MSS51: variants seen among roughly 807,000 people sequenced by gnomAD.
MSS51 encodes putative protein MSS51 homolog, mitochondrial.
A neutral mutation model predicts 40.2 loss-of-function variants in MSS51; 32 were observed. The ratio of observed to expected loss-of-function variants is 0.80; its 90% confidence interval spans 0.60 to 1.07. The LOEUF (loss-of-function observed/expected upper bound fraction) is 1.07, where lower values mean the gene tolerates loss of function less well. MSS51 is among the 50% of genes least tolerant of loss of function. The pLI is 0.00. For missense variants in MSS51, 518 were observed against 568.9 expected (o/e 0.91, Z 0.91); for synonymous variants, 178 against 214.2 (o/e 0.83, Z 1.48).
At position 73,426,079 on chromosome 10, in the gene MSS51, C is replaced by G; in HGVS notation, c.801G>C (p.Val267=). ...VRRTGGSTVH[V]VGASHVETFL... Reference sequence around the variant, plus strand: ...ATGTCTCCACATGGGAAGCACCAACCACATGCACTGTGCTTCCCCCAGTCC... The same window carrying G: ...ATGTCTCCACATGGGAAGCACCAACGACATGCACTGTGCTTCCCCCAGTCC... Residue 267 remains valine, a synonymous_variant, in exon 5 of 7, where the codon GTG becomes GTC. Transcript: ENST00000299432. The G allele has an allele frequency of 6.2e-7, 1 of 1,614,240 alleles. No individual in the cohort carries two copies. Among genetic ancestry groups the G allele is most frequent in the Non-Finnish European group, 8.5e-7 (1 of 1,180,040 alleles).
chr10:73,428,606 C>T (rs964227275), intron 1 of MSS51, among the ~76,000 whole-genome samples: 1 of 151,988 alleles, frequency 6.6e-6, no homozygotes, highest in Non-Finnish European at 1.5e-5. Context: ...CTGCCTCAGC[C>T]TCCCGAGTAG....
intron 6 of MSS51, 121 bp downstream of exon 6, chr10:73,424,977 T>C (rs1423559044): frequency 2.3e-6 from 2 of 859,800 alleles, no homozygotes; most frequent in African/African-American, 1.7e-5. Context: ...AAAAAAGCCA[T>C]ATGCGGAAAA....
At chr10:73,432,000 A>G (rs1435592061) in intron 1 of MSS51, among the ~76,000 whole-genome samples, 2 of 152,128 alleles carry the variant, frequency 1.3e-5, no homozygotes, top group Non-Finnish European at 2.9e-5. Context: ...AAAAGCATTT[A>G]TCTACTCTAC....
chr10:73,433,269 A>G (rs564535213), intron 1 of MSS51, among the ~76,000 whole-genome samples: 4 of 152,206 alleles, frequency 2.6e-5, no homozygotes, highest in African/African-American at 9.6e-5. Context: ...GTGCTCATCT[A>G]ATTTTCTGTA....
chr10:73,423,752 A>T lies in MSS51; in HGVS notation c.*801T>A, dbSNP rs1223683666. Reference sequence around the variant, plus strand: ...GGAAAAGTAGACATTTCTCTCAAAAAAGTCAGGAAACAGGACACTGTACCA... The same window carrying T: ...GGAAAAGTAGACATTTCTCTCAAAATAGTCAGGAAACAGGACACTGTACCA... On this transcript the variant is annotated 3_prime_UTR_variant, in exon 7 of 7. Transcript: ENST00000299432. The T allele has an allele frequency of 6.6e-6, 1 of 152,186 alleles. No homozygotes were observed. The highest frequency in any genetic ancestry group is 1.5e-5 in the Non-Finnish European group (1 of 68,026). 9.4% of individuals were successfully genotyped at this position (152,186 alleles called of 1,614,324 possible).
chr10:73,428,068 A>G lies in MSS51; in HGVS notation c.217T>C (p.Tyr73His), dbSNP rs1385625801. ...QKLNMKSYEE[Y>H]KLVVDGGTPV... ...TCCATAGAGCTGGTCACTCACTTAT[A>G]TTCTTCATAGCTTTTCATGTTCAGC... The change falls in exon 2 of 7, where the codon TAT (tyrosine) becomes CAT (histidine). Residue 73 changes from tyrosine (Y) to histidine (H), a missense_variant. Coordinates refer to ENST00000299432, the MANE Select transcript of MSS51 (RefSeq NM_001024593.2). The G allele has an allele frequency of 3.7e-6, 6 of 1,613,960 alleles. No individual in the cohort carries two copies. Among genetic ancestry groups the G allele is most frequent in the Admixed American group, 1.7e-5 (1 of 60,028 alleles).
intron 1 of MSS51, among the ~76,000 whole-genome samples, chr10:73,429,997 A>G (rs2056016734): frequency 6.6e-6 from 1 of 152,178 alleles, no homozygotes; most frequent in South Asian, 2.1e-4. Flanking sequence ...GAAAGATGGG[A>G]ATACTTTGAA....
At chr10:73,424,836 C>A in intron 6 of MSS51, 64 bp from the exon 7 acceptor site, 1 of 1,347,908 alleles carries the variant, frequency 7.4e-7, no homozygotes, top group Non-Finnish European at 1.1e-6. Context: ...AAAAACTGCC[C>A]AAGAGCCTGA....
chr10:73,429,437 C>T (rs1233013568), intron 1 of MSS51, among the ~76,000 whole-genome samples: 5 of 152,072 alleles, frequency 3.3e-5, no homozygotes, highest in Admixed American at 6.5e-5. Flanking sequence ...GAGAGTTAGA[C>T]AGTTTAATAT....
intron 6 of MSS51, 29 bp from the exon 7 acceptor site, chr10:73,424,801 C>G: frequency 1.3e-6 from 2 of 1,560,218 alleles, no homozygotes; most frequent in Non-Finnish European, 1.8e-6. Context: ...AAAAATTACT[C>G]TACTGATTGT....
intron 1 of MSS51, among the ~76,000 whole-genome samples, chr10:73,433,171 A>C (rs1225629131): frequency 6.6e-6 from 1 of 152,098 alleles, no homozygotes; most frequent in Non-Finnish European, 1.5e-5. Flanking sequence ...CTATTCCTAG[A>C]CCTAGGTTTC....
At chr10:73,428,596 C>T (rs1180819320) in intron 1 of MSS51, among the ~76,000 whole-genome samples, 2 of 152,022 alleles carry the variant, frequency 1.3e-5, no homozygotes, top group African/African-American at 4.8e-5. Context: ...AGCGATTCTC[C>T]TGCCTCAGCC....
At chr10:73,427,309 C>T (rs1354269917) in intron 3 of MSS51, among the ~76,000 whole-genome samples, 9 of 129,306 alleles carry the variant, frequency 7.0e-5, no homozygotes, top group Admixed American at 1.8e-4. Context: ...GACAGAGTCT[C>T]GCTCTGTCAT....
In MSS51 at chr10:73,424,564, C is replaced by T. The variant is rs996385491; in HGVS notation, c.1372G>A (p.Gly458Ser). ...DNRQLEEKVD[G>S]GI ...CAGTTATGATCTATTTAAATCCCGC[C>T]GTCCACTTTCTCTTCTAATTGCCTA... The change falls in exon 7 of 7, where the codon GGC becomes AGC. Residue 458 changes from glycine to serine, a missense_variant. Transcript: ENST00000299432. 1.4e-5 allele frequency: 23 copies of T among 1,612,942 alleles called. No homozygotes were observed. Among genetic ancestry groups the T allele is most frequent in the Admixed American group, 3.3e-5 (2 of 59,998 alleles).
intron 1 of MSS51, among the ~76,000 whole-genome samples, chr10:73,430,881 T>C (rs1007895226): frequency 2.0e-5 from 3 of 152,084 alleles, no homozygotes; most frequent in African/African-American, 7.2e-5. Context: ...GGTCCATCAA[T>C]GGATAAATGG....
chr10:73,429,700 G>A, intron 1 of MSS51: 1 of 455,798 alleles, frequency 2.2e-6, no homozygotes, highest in Non-Finnish European at 4.4e-6. Context: ...TGAGTAAACA[G>A]AAAGGACCAT....
chr10:73,424,494 A>C lies in MSS51; in HGVS notation c.*59T>G. 2 of 1,311,608 alleles carry C rather than the reference A, an allele frequency of 1.5e-6. No individual in the cohort carries two copies. The highest frequency in any genetic ancestry group is 2.2e-6 in the Non-Finnish European group (2 of 907,710). 81.2% of individuals were successfully genotyped at this position (1,311,608 alleles called of 1,614,324 possible). On this transcript the variant is annotated 3_prime_UTR_variant, in exon 7 of 7. Transcript: ENST00000299432. ...TTTTCAAAGTTTGCAAGAACCTGGC[A>C]TTAGCAGGGTAATTTCATCACAAAC...
In MSS51 at chr10:73,426,002, TGCCCAGGAAA is replaced by T. The variant is rs2055984767; in HGVS notation, c.868_877del (p.Phe290ThrfsTer11). 9 of 1,614,080 alleles carry T rather than the reference TGCCCAGGAAA, an allele frequency of 5.6e-6. No individual in the cohort carries two copies. The highest frequency in any genetic ancestry group is 1.3e-5 in the African/African-American group (1 of 74,922). ...CACCATGACCACACGGAGTCCAAGG[TGCCCAGGAAA>T]CATGTAACCAAGCTCATCATAGTCC... On this transcript the variant is annotated frameshift_variant, in exon 5 of 7. Transcript: ENST00000299432. LOFTEE classifies it high-confidence loss of function.
At chr10:73,426,921 T>C (rs1486409641) in intron 3 of MSS51, among the ~76,000 whole-genome samples, 190 bp from the exon 4 acceptor site, 1 of 152,154 alleles carries the variant, frequency 6.6e-6, no homozygotes, top group Non-Finnish European at 1.5e-5. Context: ...AATATAATTA[T>C]TCTGCCAGAC....
Sources: allele counts gnomAD v4.1 joint callset (sites outside exome capture counted in the v4.1 genomes callset), GRCh38; gene constraint gnomAD v4.1.1; transcripts MANE v1.5; gene names NCBI Gene and HGNC (gene_info 2026-07-23, HGNC 2026-07-21).